Variants in TMEM51 observed in about 807,000 individuals in gnomAD.
TMEM51 encodes chromosome 1 open reading frame 72.
TMEM51 carries 8 observed loss-of-function variants against 13.6 expected under a neutral mutation model. The ratio of observed to expected loss-of-function variants is 0.59; its 90% CI spans 0.35 to 1.07. TMEM51 has a LOEUF of 1.07. TMEM51 is among the 50% of genes least tolerant of loss of function. The pLI is 0.02. For synonymous variants in TMEM51, 147 were observed against 144.4 expected (o/e 1.02, Z -0.13); for missense variants, 279 against 330.7 (o/e 0.84, Z 1.21).
In TMEM51 at chr1:15,173,214, C is replaced by CT. The variant is rs3078132; in HGVS notation, c.-267+19283dup. On this transcript the variant is annotated intron_variant, in intron 1 of 3. Transcript: ENST00000376008. ...ATCTGGGGTTTAACCTGATCATATTCTTTTTTTTTTTTTTTTTTTTTTTGA... is the reference window on the plus strand; with the variant it reads ...ATCTGGGGTTTAACCTGATCATATTCTTTTTTTTTTTTTTTTTTTTTTTTGA... Among the ~76,000 whole-genome samples, 104 of 97,014 alleles carry CT rather than the reference C, an allele frequency of 1.1e-3. 2 individuals carry two copies. Among genetic ancestry groups the CT allele is most frequent in the African/African-American group, 2.4e-3 (61 of 25,278 alleles). The allele number at this position is 97,014 out of a possible 152,430, so 63.6% of individuals were successfully genotyped here. A position where few individuals can be genotyped will look rare whatever the true frequency, so the allele number is the denominator to read the frequency against.
At chr1:15,190,390 GC>G (rs1157908524) in intron 1 of TMEM51, among the ~76,000 whole-genome samples, 1 of 152,060 alleles carries the variant, frequency 6.6e-6, no homozygotes, top group Non-Finnish European at 1.5e-5. Flanking sequence ...AAAATGAAAC[GC>G]CCTCTGATAA....
At chr1:15,168,753 T>C in intron 1 of TMEM51, 2 of 1,304,292 alleles carry the variant, frequency 1.5e-6, no homozygotes, top group Non-Finnish European at 2.0e-6. Context: ...GCAGACAAAC[T>C]TGCTTCCCAC....
intron 1 of TMEM51, among the ~76,000 whole-genome samples, chr1:15,189,135 G>A (rs909282737): frequency 2.0e-5 from 3 of 151,638 alleles, no homozygotes; most frequent in African/African-American, 7.3e-5. Flanking sequence ...CCACCTCCCA[G>A]GTTAAGGGAT....
intron 1 of TMEM51, among the ~76,000 whole-genome samples, chr1:15,172,657 C>T (rs775923616): frequency 1.2e-4 from 18 of 152,182 alleles, no homozygotes; most frequent in African/African-American, 1.4e-4. Context: ...ACAAGAGTTC[C>T]TCCTTTTCTA....
chr1:15,195,274 T>A (rs1270572462), intron 1 of TMEM51, among the ~76,000 whole-genome samples: 1 of 152,176 alleles, frequency 6.6e-6, no homozygotes, highest in Non-Finnish European at 1.5e-5. Context: ...CCACATCTTT[T>A]TATAAAAGGA....
rs1349442083 is a variant in TMEM51 at position 15,219,422 on chromosome 1, A to AGAG, written c.445_447dup (p.Glu149dup). ...ACACAAACTACTCAGAAGCAAGGGG[A>AGAG]GAGGAGCAGAACCCGAGGTTGAGCA... On this transcript the variant is annotated inframe_insertion, in exon 4 of 4. Coordinates refer to ENST00000376008, the MANE Select transcript of TMEM51 (RefSeq NM_001136218.2). 1 of 1,613,806 alleles carries AGAG rather than the reference A, an allele frequency of 6.2e-7. No individual in the cohort carries two copies. The highest frequency in any genetic ancestry group is 8.5e-7 in the Non-Finnish European group (1 of 1,179,774).
intron 1 of TMEM51, among the ~76,000 whole-genome samples, chr1:15,177,192 G>A (rs10927697): frequency 0.17 from 25,926 of 152,098 alleles, 2,476 homozygotes; most frequent in African/African-American, 0.25. Context: ...GATCACCCAT[G>A]TTCTCAATAT....
chr1:15,193,782 C>T (rs182625901), intron 1 of TMEM51, among the ~76,000 whole-genome samples: 7 of 152,252 alleles, frequency 4.6e-5, no homozygotes, highest in Non-Finnish European at 7.4e-5. Context: ...GTCTCGAACT[C>T]CTGACCTCAG....
chr1:15,215,345 G>A lies in TMEM51; in HGVS notation c.258G>A (p.Arg86=). 1 of 1,613,826 alleles carries A rather than the reference G, an allele frequency of 6.2e-7. No homozygotes were observed. The highest frequency in any genetic ancestry group is 8.5e-7 in the Non-Finnish European group (1 of 1,180,046). ...LLLLSICLSI[R]DKRKQRQGED... is the part of the protein sequence containing the mutation. ...TGCTTTCTATCTGCCTGAGTATCAG[G>A]GATAAGAGGAAGCAGCGGCAGGGCG... Residue 86 remains arginine (R), a synonymous_variant, in exon 3 of 4, where the codon AGG becomes AGA. Transcript: ENST00000376008.
At chr1:15,158,262 T>G (rs1194982618) in intron 1 of TMEM51, among the ~76,000 whole-genome samples, 3 of 152,166 alleles carry the variant, frequency 2.0e-5, no homozygotes, top group Non-Finnish European at 4.4e-5. Flanking sequence ...TGCAAAGACG[T>G]TTCCAATTCA....
At position 15,162,021 on chromosome 1, in the gene TMEM51, C is replaced by T. The variant is rs770547433; in HGVS notation, c.-267+8067C>T. Among the ~76,000 whole-genome samples the T allele has an allele frequency of 6.7e-5, 10 of 150,180 alleles. No individual in the cohort carries two copies. The South Asian group carries it at 8.5e-4, about 13-fold the overall frequency. On this transcript the variant is annotated intron_variant, in intron 1 of 3. Coordinates refer to ENST00000376008, the MANE Select transcript of TMEM51 (RefSeq NM_001136218.2). ...GGGCCTCGGGCAGAAGGACAGCAGG[C>T]GTCATGTGGTGAGAGAGAAGAGGAG...
intron 1 of TMEM51, among the ~76,000 whole-genome samples, chr1:15,206,895 T>C (rs1644260309): frequency 6.6e-6 from 1 of 152,194 alleles, no homozygotes; most frequent in African/African-American, 2.4e-5. Flanking sequence ...AGATCCCTGG[T>C]GCTCTGTTGA....
At chr1:15,152,646 G>T (rs892712927), upstream of TMEM51, 1 of 152,302 alleles carries the variant, frequency 6.6e-6, no homozygotes, top group Admixed American at 6.5e-5. Context: ...CTCAGAGAGG[G>T]AATGGGAGCT....
chr1:15,189,213 C>CTTTTTTTTTTTTTTTT (rs59346950), intron 1 of TMEM51, among the ~76,000 whole-genome samples: 1,499 of 92,756 alleles, frequency 0.016, 122 homozygotes, highest in Non-Finnish European at 0.026. Flanking sequence ...CTAATTTTTC[C>CTTTTTTTTTTTTTTTT]TTTTTTTTTT....
chr1:15,201,091 C>T (rs1227248676), intron 1 of TMEM51, among the ~76,000 whole-genome samples: 1 of 152,218 alleles, frequency 6.6e-6, no homozygotes, highest in Non-Finnish European at 1.5e-5. Flanking sequence ...AAACTAATCA[C>T]TCGGAGTGAG....
At chr1:15,203,143 C>T (rs1183116484) in intron 1 of TMEM51, among the ~76,000 whole-genome samples, 2 of 151,868 alleles carry the variant, frequency 1.3e-5, no homozygotes, top group East Asian at 3.8e-4. Context: ...TCTGTGGTTC[C>T]CTCCTCTGCC....
chr1:15,154,089 T>G (rs1642497653), intron 1 of TMEM51, 135 bp downstream of exon 1: 2 of 151,858 alleles, frequency 1.3e-5, no homozygotes, highest in South Asian at 4.2e-4. Context: ...GCTTCCCGCC[T>G]GGGGTCGACC....
intron 1 of TMEM51, among the ~76,000 whole-genome samples, chr1:15,160,149 A>G (rs1642726610): frequency 6.6e-6 from 1 of 151,998 alleles, no homozygotes; most frequent in Non-Finnish European, 1.5e-5. Flanking sequence ...GGTGTAGAGA[A>G]GCAGGTGGAA....
In TMEM51 at chr1:15,164,582, C is replaced by T. The variant is rs1222352168; in HGVS notation, c.-267+10628C>T. On this transcript the variant is annotated intron_variant, in intron 1 of 3. Transcript: ENST00000376008. ...TTAAGGTGGTGTCTGCCACATTTCT[C>T]CACTGTAAAGTTACTACAGCCCCTT... 4 of 423,658 alleles carry T rather than the reference C, an allele frequency of 9.4e-6. No homozygotes were observed. In the Admixed American group the frequency reaches 1.0e-4, roughly 11 times the overall value. The allele number at this position is 423,658 out of a possible 1,614,324, so 26.2% of individuals were successfully genotyped here.
Sources: allele counts gnomAD v4.1 joint callset (sites outside exome capture counted in the v4.1 genomes callset), GRCh38; gene constraint gnomAD v4.1.1; transcripts MANE v1.5; gene names NCBI Gene and HGNC (gene_info 2026-07-23, HGNC 2026-07-21).